Variants in CCDC60 observed in about 807,000 individuals in gnomAD.
The protein encoded by CCDC60 is coiled-coil domain-containing protein 60.
A neutral mutation model predicts 63.5 loss-of-function variants in CCDC60; 54 were observed. The ratio of observed to expected loss-of-function variants is 0.85; its 90% CI spans 0.68 to 1.07. The LOEUF is 1.07. Among genes scored for constraint, CCDC60 ranks in the 50% least tolerant of loss-of-function variants. The pLI is 0.00. For synonymous variants in CCDC60, 206 were observed against 238.8 expected, an observed-to-expected ratio of 0.86 and a Z score of 1.27; for missense variants, 651 against 684.3, an observed-to-expected ratio of 0.95 and a Z score of 0.54.
At chr12:119,352,071 A>G (rs745868820) in intron 1 of CCDC60, among the ~76,000 whole-genome samples, 2 of 152,238 alleles carry the variant, frequency 1.3e-5, no homozygotes, top group African/African-American at 4.8e-5. Flanking sequence ...GAAACTTACA[A>G]TCATGGCAAA....
Position 119,445,255 on chromosome 12 carries a change from G to A in CCDC60, c.170+16493G>A, listed in dbSNP as rs554350679. On this transcript the variant is annotated intron_variant, in intron 2 of 13. Coordinates refer to ENST00000327554, the MANE Select transcript of CCDC60 (RefSeq NM_178499.5). ...TTGAGACCAGCCTGGTCAACATGGT[G>A]AAACCCCGTCTCTACTAAAAATACA... Among the ~76,000 whole-genome samples the A allele has an allele frequency of 1.7e-4, 26 of 151,804 alleles. No homozygotes were observed. In the South Asian group the frequency reaches 5.4e-3, roughly 32 times the overall value.
At chr12:119,501,360 C>T (rs1339848062) in intron 6 of CCDC60, among the ~76,000 whole-genome samples, 1 of 152,194 alleles carries the variant, frequency 6.6e-6, no homozygotes, top group African/African-American at 2.4e-5. Context: ...TTCTTACCCC[C>T]AGGTGAGAGA....
At chr12:119,512,162 G>A (rs1011267510) in intron 7 of CCDC60, among the ~76,000 whole-genome samples, 1 of 152,186 alleles carries the variant, frequency 6.6e-6, no homozygotes, top group African/African-American at 2.4e-5. Context: ...GAAGCACTGG[G>A]CTTCACGCTT....
rs753203460 is a variant in CCDC60, at chr12:119,479,173, A to T, written c.421A>T (p.Ile141Phe). ...ATTCACTCCCATCCACAGCTGCATC[A>T]TTTCTCCCTCGCTAACCGAGGCTCA... is the stretch of plus-strand genomic sequence containing the variant. ...RPFTPIHSCIISPSLTEAHVE... is the reference protein window; with the variant it reads ...RPFTPIHSCIFSPSLTEAHVE... Residue 141 changes from isoleucine to phenylalanine, a missense_variant, in exon 4 of 14, where the codon ATT (isoleucine) becomes TTT (phenylalanine). Transcript: ENST00000327554. 1.9e-6 allele frequency: 3 copies of T among 1,613,734 alleles called. No homozygotes were observed. Among genetic ancestry groups the T allele is most frequent in the South Asian group, 1.1e-5 (1 of 91,070 alleles).
chr12:119,524,804 C>T (rs937326247), intron 11 of CCDC60, among the ~76,000 whole-genome samples: 1 of 143,794 alleles, frequency 7.0e-6, no homozygotes, highest in Non-Finnish European at 1.5e-5. Context: ...CTTACTGCAG[C>T]CTCGAGTGAT....
intron 4 of CCDC60, among the ~76,000 whole-genome samples, chr12:119,481,191 C>G (rs1295279011): frequency 6.6e-6 from 1 of 152,190 alleles, no homozygotes; most frequent in Non-Finnish European, 1.5e-5. Flanking sequence ...CCCCCTACCT[C>G]TCTTTGATTG....
intron 7 of CCDC60, among the ~76,000 whole-genome samples, chr12:119,512,071 A>C (rs1260895655): frequency 6.6e-6 from 1 of 152,202 alleles, no homozygotes; most frequent in Non-Finnish European, 1.5e-5. Flanking sequence ...CAAAGTCACT[A>C]AGGAAGGCAT....
At chr12:119,517,970 G>C (rs995297661) in intron 8 of CCDC60, among the ~76,000 whole-genome samples, 1 of 152,200 alleles carries the variant, frequency 6.6e-6, no homozygotes, top group Non-Finnish European at 1.5e-5. Context: ...GGCACTAGAA[G>C]AGGTTCATCA....
In CCDC60 at chr12:119,540,933, T is replaced by C; in HGVS notation, c.*218T>C. On this transcript the variant is annotated 3_prime_UTR_variant, in exon 14 of 14. Transcript: ENST00000327554. ...TCAATTCCACACCCCAGACCCAACCTACCAGTCTCTGTTCTTCAATGATCC... is the reference window on the plus strand; with the variant it reads ...TCAATTCCACACCCCAGACCCAACCCACCAGTCTCTGTTCTTCAATGATCC... The C allele has an allele frequency of 2.1e-6, 1 of 465,504 alleles. No homozygotes were observed. Among genetic ancestry groups the C allele is most frequent in the Non-Finnish European group, 3.8e-6 (1 of 262,690 alleles). The allele number at this position is 465,504 out of a possible 1,614,324, so 28.8% of individuals were successfully genotyped here.
At chr12:119,347,568 T>G (rs1168227333) in intron 1 of CCDC60, among the ~76,000 whole-genome samples, 1 of 152,200 alleles carries the variant, frequency 6.6e-6, no homozygotes, top group African/African-American at 2.4e-5. Context: ...ATGTTCAATA[T>G]TCTCGTCTCT....
At chr12:119,484,669 C>T (rs1383933311) in intron 4 of CCDC60, among the ~76,000 whole-genome samples, 7 of 151,934 alleles carry the variant, frequency 4.6e-5, no homozygotes, top group Admixed American at 1.3e-4. Context: ...GCCAAAATCA[C>T]GCCACCGCAC....
At chr12:119,448,271 C>T (rs1350786932) in intron 2 of CCDC60, among the ~76,000 whole-genome samples, 1 of 151,914 alleles carries the variant, frequency 6.6e-6, no homozygotes, top group East Asian at 1.9e-4. Context: ...ATGAAATCGT[C>T]AAGTGGTATA....
At chr12:119,438,833 C>G (rs560060326) in intron 2 of CCDC60, among the ~76,000 whole-genome samples, 90 of 152,228 alleles carry the variant, frequency 5.9e-4, no homozygotes, top group African/African-American at 2.1e-3. Flanking sequence ...AGTTTCTCCT[C>G]TTGGGATGGG....
chr12:119,444,708 T>C (rs1012838940), intron 2 of CCDC60, among the ~76,000 whole-genome samples: 3 of 152,224 alleles, frequency 2.0e-5, no homozygotes, highest in Non-Finnish European at 4.4e-5. Context: ...CACTCTTCTC[T>C]GACATCTCGC....
intron 1 of CCDC60, among the ~76,000 whole-genome samples, chr12:119,352,656 G>A (rs892473959): frequency 6.6e-6 from 1 of 152,138 alleles, no homozygotes; most frequent in Non-Finnish European, 1.5e-5. Context: ...TCACTTCCCA[G>A]TCAGACATGG....
intron 1 of CCDC60, among the ~76,000 whole-genome samples, chr12:119,360,023 T>G (rs1320554170): frequency 1.3e-5 from 2 of 152,118 alleles, no homozygotes; most frequent in African/African-American, 4.8e-5. Context: ...ATTGTCATCC[T>G]GGCCCGTTCT....
At position 119,530,986 on chromosome 12, in the gene CCDC60, C is replaced by A. The variant is rs1226048626; in HGVS notation, c.1474C>A (p.Pro492Thr). The A allele has an allele frequency of 6.2e-7, 1 of 1,614,192 alleles. No individual in the cohort carries two copies. The highest frequency in any genetic ancestry group is 8.5e-7 in the Non-Finnish European group (1 of 1,180,010). The change falls in exon 13 of 14, where the codon CCC (proline) becomes ACC (threonine). Residue 492 changes from proline to threonine, a missense_variant. Coordinates refer to ENST00000327554, the MANE Select transcript of CCDC60 (RefSeq NM_178499.5). Reference protein sequence around the residue: ...FGENLDLRIRPHVLLKVLQDL... With the variant: ...FGENLDLRIRTHVLLKVLQDL... Reference sequence around the variant, plus strand: ...AGAAAACCTGGACTTGCGGATTCGACCCCATGTCCTCCTGAAGGTGCTGCA... The same window carrying A: ...AGAAAACCTGGACTTGCGGATTCGAACCCATGTCCTCCTGAAGGTGCTGCA...
At chr12:119,512,240 G>C (rs1952232088) in intron 7 of CCDC60, among the ~76,000 whole-genome samples, 1 of 152,190 alleles carries the variant, frequency 6.6e-6, no homozygotes, top group African/African-American at 2.4e-5. Flanking sequence ...GGAATGAGGT[G>C]TCTGCACTGG....
At chr12:119,448,339 C>T (rs1315964189) in intron 2 of CCDC60, among the ~76,000 whole-genome samples, 4 of 152,068 alleles carry the variant, frequency 2.6e-5, no homozygotes, top group Admixed American at 6.6e-5. Context: ...TCAGACAGAC[C>T]GAAATCCAAA....
Sources: allele counts gnomAD v4.1 joint callset (sites outside exome capture counted in the v4.1 genomes callset), GRCh38; gene constraint gnomAD v4.1.1; transcripts MANE v1.5; gene names NCBI Gene and HGNC (gene_info 2026-07-23, HGNC 2026-07-21).